FAM13B: variants seen among roughly 807,000 people sequenced by gnomAD.
FAM13B encodes the protein protein FAM13B.
A neutral mutation model predicts 117.3 loss-of-function variants in FAM13B; 60 were observed. The ratio of observed to expected loss-of-function variants is 0.51; its 90% CI spans 0.42 to 0.63. The LOEUF is 0.63. Among genes scored for constraint, FAM13B ranks in the 30% least tolerant of loss-of-function variants. FAM13B has a pLI of 0.00. For synonymous variants in FAM13B, 332 were observed against 356.1 expected (o/e 0.93, Z 0.76); for missense variants, 972 against 1,091.9 (o/e 0.89, Z 1.55).
chr5:138,048,129 T>G (rs1791695037), intron 1 of FAM13B, among the ~76,000 whole-genome samples: 1 of 151,076 alleles, frequency 6.6e-6, no homozygotes, highest in African/African-American at 2.4e-5. Context: ...CAGTTTTAGG[T>G]TTACAGAAAA....
chr5:137,962,536 C>G, intron 10 of FAM13B, 67 bp from the exon 11 acceptor site: 2 of 1,417,268 alleles, frequency 1.4e-6, no homozygotes, highest in Non-Finnish European at 9.8e-7. Flanking sequence ...AGTTGCCAAT[C>G]TAAATTAGGA....
In FAM13B at chr5:137,983,213, A is replaced by AAAAAAAAAAAAAAAAAAAAAAAAAC. The variant is rs1561492748; in HGVS notation, c.1179+2043_1179+2044insGTTTTTTTTTTTTTTTTTTTTTTTT. ...AAAAAAAAAAAAAAAAAAAAAAAAA[A>AAAAAAAAAAAAAAAAAAAAAAAAAC]AACCGAGTGAGATATCCTGAATGCC... On this transcript the variant is annotated intron_variant, in intron 10 of 23. Coordinates refer to ENST00000689681, the MANE Select transcript of FAM13B (RefSeq NM_001385994.1). Among the ~76,000 whole-genome samples the AAAAAAAAAAAAAAAAAAAAAAAAAC allele has an allele frequency of 2.0e-4, 19 of 93,722 alleles. 4 individuals carry two copies. Among genetic ancestry groups the AAAAAAAAAAAAAAAAAAAAAAAAAC allele is most frequent in the Non-Finnish European group, 3.4e-4 (15 of 43,938 alleles). The allele number at this position is 93,722 out of a possible 152,430, so 61.5% of individuals were successfully genotyped here. A position where few individuals can be genotyped will look rare whatever the true frequency, so the allele number is the denominator to read the frequency against.
intron 7 of FAM13B, among the ~76,000 whole-genome samples, chr5:137,993,053 TAC>T (rs1380059447): frequency 6.6e-6 from 1 of 152,158 alleles, no homozygotes; most frequent in African/African-American, 2.4e-5. Flanking sequence ...ATCTCAAACT[TAC>T]ACAGTGAAAA....
chr5:137,975,125 C>T (rs983161581), intron 10 of FAM13B, among the ~76,000 whole-genome samples: 7 of 152,162 alleles, frequency 4.6e-5, no homozygotes, highest in African/African-American at 1.7e-4. Context: ...GACTCCTGCT[C>T]TATCTAGCCT....
intron 4 of FAM13B, among the ~76,000 whole-genome samples, chr5:138,014,885 C>T (rs184182711): frequency 3.3e-5 from 5 of 152,180 alleles, no homozygotes; most frequent in African/African-American, 1.2e-4. Context: ...AATTTCTTTC[C>T]TTTGGAGTCT....
rs575621137 is a variant in FAM13B at position 138,047,558 on chromosome 5, G to A, written c.-203+4320C>T. On this transcript the variant is annotated intron_variant, in intron 1 of 3. Transcript: ENST00000502471. ...TCTATTCCCTAGAACCTGTGAATATGTTACGGCACATAACAAATGGGAATA... is the reference window on the plus strand; with the variant it reads ...TCTATTCCCTAGAACCTGTGAATATATTACGGCACATAACAAATGGGAATA... 1.1e-4 allele frequency among the ~76,000 whole-genome samples: 17 copies of A among 152,198 alleles called. No homozygotes were observed. The South Asian group carries it at 3.1e-3, about 28-fold the overall frequency.
rs541448100 is a variant in FAM13B, at chr5:137,963,623, T to C, written c.1180-1154A>G. Among the ~76,000 whole-genome samples the C allele has an allele frequency of 1.6e-4, 25 of 152,286 alleles. No individual in the cohort carries two copies. In the South Asian group the frequency reaches 4.6e-3, roughly 28 times the overall value. Reference sequence around the variant, plus strand: ...ACAGAAATCAGACTTCGGTAACTTTTATGATCAATAACAGGTGTCCCCAAC... The same window carrying C: ...ACAGAAATCAGACTTCGGTAACTTTCATGATCAATAACAGGTGTCCCCAAC... On this transcript the variant is annotated intron_variant, in intron 10 of 23. Coordinates refer to ENST00000689681, the MANE Select transcript of FAM13B (RefSeq NM_001385994.1).
At position 137,985,237 on chromosome 5, in the gene FAM13B, A is replaced by G. The variant is rs747096523; in HGVS notation, c.1179+20T>C. 14 of 1,610,096 alleles carry G rather than the reference A, an allele frequency of 8.7e-6. 2 individuals carry two copies. In the South Asian group the frequency reaches 1.5e-4, roughly 18 times the overall value. On this transcript the variant is annotated intron_variant, in intron 10 of 23. Coordinates refer to ENST00000689681, the MANE Select transcript of FAM13B (RefSeq NM_001385994.1). ...GCAATCAAAGTTGTACATCTAACAC[A>G]TATTTTTGACATTCCTTACCTGGGT...
intron 10 of FAM13B, among the ~76,000 whole-genome samples, chr5:137,968,595 G>A (rs576401954): frequency 4.6e-5 from 7 of 152,104 alleles, no homozygotes; most frequent in Admixed American, 6.5e-5. Context: ...AGCAATTTGT[G>A]GGGGGAGGAG....
intron 7 of FAM13B, among the ~76,000 whole-genome samples, chr5:137,991,976 C>CAGT (rs1778706643): frequency 6.6e-6 from 1 of 152,246 alleles, no homozygotes; most frequent in African/African-American, 2.4e-5. Context: ...GGCTAGAGTG[C>CAGT]AGTGGCACAA....
chr5:137,999,139 G>A (rs2150744756), intron 7 of FAM13B, among the ~76,000 whole-genome samples: 1 of 150,258 alleles, frequency 6.7e-6, no homozygotes, highest in South Asian at 2.1e-4. Context: ...TTTGAGACAG[G>A]GTCCCACTTA....
intron 1 of FAM13B, among the ~76,000 whole-genome samples, chr5:138,022,946 G>A (rs544948875): frequency 2.0e-5 from 3 of 151,606 alleles, no homozygotes; most frequent in African/African-American, 7.3e-5. Flanking sequence ...CCCTGCCTCA[G>A]CCTCCCAAAT....
intron 4 of FAM13B, among the ~76,000 whole-genome samples, chr5:138,014,615 A>T (rs1444894563): frequency 6.6e-6 from 1 of 152,246 alleles, no homozygotes; most frequent in Non-Finnish European, 1.5e-5. Flanking sequence ...CACACAGCAG[A>T]TGTTCAATAA....
upstream of FAM13B, among the ~76,000 whole-genome samples, chr5:138,035,468 T>G (rs186663435): frequency 6.6e-6 from 1 of 152,218 alleles, no homozygotes; most frequent in Non-Finnish European, 1.5e-5. Flanking sequence ...ATGTTCAACA[T>G]AGGGGCCACA....
rs5871660 is a variant in FAM13B at position 138,019,682 on chromosome 5, ATT to A, written c.-35-538_-35-537del. Reference sequence around the variant, plus strand: ...CTACATGATAAAGCAGCTGTAATAAATTTTTTTTTTTTTTTGAGACGGAGTCT... The same window carrying A: ...CTACATGATAAAGCAGCTGTAATAAATTTTTTTTTTTTTGAGACGGAGTCT... On this transcript the variant is annotated intron_variant, in intron 2 of 23. Transcript: ENST00000689681. Among the ~76,000 whole-genome samples the A allele has an allele frequency of 5.5e-3, 777 of 142,190 alleles. 3 individuals are homozygous for A. The highest frequency in any genetic ancestry group is 0.015 in the African/African-American group (590 of 39,404). The allele number at this position is 142,190 out of a possible 152,430, so 93.3% of individuals were successfully genotyped here.
intron 7 of FAM13B, among the ~76,000 whole-genome samples, chr5:138,000,183 C>T (rs1043168965): frequency 6.6e-6 from 1 of 152,078 alleles, no homozygotes; most frequent in Non-Finnish European, 1.5e-5. Flanking sequence ...GAATCACTTG[C>T]GCCTGGGAGC....
chr5:138,013,157 C>A (rs1367919119), intron 4 of FAM13B, among the ~76,000 whole-genome samples: 6 of 150,496 alleles, frequency 4.0e-5, no homozygotes, highest in Non-Finnish European at 8.9e-5. Flanking sequence ...AAGCCGAGAT[C>A]GTGCCACTGC....
rs915592649 is a variant in FAM13B at position 138,030,713 on chromosome 5, C to T, written c.-203+2069G>A. Among the ~76,000 whole-genome samples, 13 of 132,146 alleles carry T rather than the reference C, an allele frequency of 9.8e-5. No homozygotes were observed. The East Asian group carries it at 2.7e-3, about 28-fold the overall frequency. The allele number at this position is 132,146 out of a possible 152,430, so 86.7% of individuals were successfully genotyped here. On this transcript the variant is annotated intron_variant, in intron 1 of 23. Coordinates refer to ENST00000689681, the MANE Select transcript of FAM13B (RefSeq NM_001385994.1). ...TGGGCAACAAGAATGAAACTCCGTC[C>T]CCCCCCCCCAAAAAAAAAAATTGAA...
At chr5:138,019,434 A>T (rs941747414) in intron 2 of FAM13B, among the ~76,000 whole-genome samples, 1 of 152,226 alleles carries the variant, frequency 6.6e-6, no homozygotes, top group Admixed American at 6.5e-5. Flanking sequence ...TGTCCCAAAG[A>T]CAAATTAAGG....
Sources: allele counts gnomAD v4.1 joint callset (sites outside exome capture counted in the v4.1 genomes callset), GRCh38; gene constraint gnomAD v4.1.1; transcripts MANE v1.5; gene names NCBI Gene and HGNC (gene_info 2026-07-23, HGNC 2026-07-21).